Variants in MYO1E observed in about 807,000 individuals in gnomAD.
The protein encoded by MYO1E is unconventional myosin-Ie.
MYO1E carries 68 observed loss-of-function variants against 151.1 expected under a neutral mutation model. That is an observed-to-expected ratio of 0.45 (90% CI 0.37 to 0.55). The LOEUF is 0.55. MYO1E is among the 20% of genes least tolerant of loss of function. The pLI is 0.00. For synonymous variants in MYO1E, 601 were observed against 501.7 expected (o/e 1.20, Z -2.64); for missense variants, 1,363 against 1,389.3 (o/e 0.98, Z 0.30).
At chr15:59,248,564 G>A (rs1229953027) in intron 4 of MYO1E, among the ~76,000 whole-genome samples, 1 of 151,840 alleles carries the variant, frequency 6.6e-6, no homozygotes, top group East Asian at 1.9e-4. Context: ...GGGCTGAGGA[G>A]GAAGGCATAG....
intron 9 of MYO1E, among the ~76,000 whole-genome samples, chr15:59,218,457 A>C (rs1193386676): frequency 6.6e-6 from 1 of 152,254 alleles, no homozygotes; most frequent in Admixed American, 6.5e-5. Context: ...AACTCAATCA[A>C]GAAACATTTC....
chr15:59,147,429 G>C (rs780542706), intron 26 of MYO1E, among the ~76,000 whole-genome samples: 2 of 151,722 alleles, frequency 1.3e-5, no homozygotes, highest in African/African-American at 4.8e-5. Flanking sequence ...GCGAAACCCC[G>C]TCCCTACTAA....
chr15:59,364,682 G>A (rs1387393640), intron 1 of MYO1E, among the ~76,000 whole-genome samples: 4 of 152,182 alleles, frequency 2.6e-5, no homozygotes, highest in African/African-American at 9.6e-5. Context: ...GTCAAGGTGG[G>A]TCACTTGAGG....
intron 4 of MYO1E, among the ~76,000 whole-genome samples, chr15:59,242,492 C>T (rs912755414): frequency 2.6e-4 from 39 of 152,068 alleles, no homozygotes; most frequent in African/African-American, 8.9e-4. Context: ...TAGTGCCATA[C>T]GAAAGTAAAC....
At chr15:59,151,041 A>G (rs71456366) in intron 26 of MYO1E, among the ~76,000 whole-genome samples, 11 of 92,814 alleles carry the variant, frequency 1.2e-4, no homozygotes, top group South Asian at 5.3e-4. Context: ...ACACACACAC[A>G]CACACACACG....
intron 1 of MYO1E, among the ~76,000 whole-genome samples, chr15:59,366,778 A>G (rs543195995): frequency 6.6e-6 from 1 of 152,262 alleles, no homozygotes; most frequent in South Asian, 2.1e-4. Flanking sequence ...TAAATTCTGA[A>G]ACTGAAATTC....
At chr15:59,319,198 C>T (rs752980422) in intron 1 of MYO1E, among the ~76,000 whole-genome samples, 9 of 152,104 alleles carry the variant, frequency 5.9e-5, no homozygotes, top group Non-Finnish European at 8.8e-5. Context: ...GTAATCCCAG[C>T]TACTTGGGAG....
At chr15:59,268,124 A>C (rs981623112) in intron 2 of MYO1E, among the ~76,000 whole-genome samples, 1 of 152,234 alleles carries the variant, frequency 6.6e-6, no homozygotes, top group Non-Finnish European at 1.5e-5. Context: ...GAAAAAACCC[A>C]ACTCTTACTT....
At chr15:59,203,088 G>C (rs1339509152) in intron 15 of MYO1E, among the ~76,000 whole-genome samples, 1 of 152,124 alleles carries the variant, frequency 6.6e-6, no homozygotes, top group Non-Finnish European at 1.5e-5. Flanking sequence ...CAGAGCTCAG[G>C]GAATTATATG....
chr15:59,360,083 C>T (rs998915671), intron 1 of MYO1E, among the ~76,000 whole-genome samples: 17 of 152,112 alleles, frequency 1.1e-4, no homozygotes, highest in African/African-American at 3.1e-4. Context: ...GAGTTGTCAA[C>T]GGCTGAAGTT....
chr15:59,359,187 C>T (rs2080871338), intron 1 of MYO1E, among the ~76,000 whole-genome samples: 1 of 151,478 alleles, frequency 6.6e-6, no homozygotes, highest in African/African-American at 2.4e-5. Context: ...GCATTTTGGG[C>T]CACCAAGGCA....
At chr15:59,151,059 G>A (rs908086252) in intron 26 of MYO1E, among the ~76,000 whole-genome samples, 4 of 146,438 alleles carry the variant, frequency 2.7e-5, no homozygotes, top group South Asian at 2.1e-4. Flanking sequence ...ACGCGCGCGC[G>A]CGCACGTGCA....
intron 1 of MYO1E, among the ~76,000 whole-genome samples, chr15:59,339,201 A>C (rs2080748369): frequency 6.6e-6 from 1 of 152,316 alleles, no homozygotes; most frequent in Admixed American, 6.5e-5. Flanking sequence ...AAACTCTTCC[A>C]TTTTATCAAA....
chr15:59,146,442 A>T (rs1455497992), intron 26 of MYO1E, among the ~76,000 whole-genome samples: 16 of 152,046 alleles, frequency 1.1e-4, no homozygotes, highest in Admixed American at 9.8e-4. Flanking sequence ...GAGTCTCCCA[A>T]GTAGCTGGGA....
intron 12 of MYO1E, 36 bp downstream of exon 12, chr15:59,214,192 T>C (rs1160631740): frequency 6.6e-7 from 1 of 1,512,190 alleles, no homozygotes; most frequent in Non-Finnish European, 9.1e-7. Context: ...AAATAAATTA[T>C]AAATAGAATA....
chr15:59,357,559 G>T (rs1419290951), intron 1 of MYO1E, among the ~76,000 whole-genome samples: 1 of 151,150 alleles, frequency 6.6e-6, no homozygotes, highest in East Asian at 2.0e-4. Context: ...CGAGTAGCTA[G>T]GATTACAGGT....
chr15:59,371,654 A>G (rs1221067617), intron 1 of MYO1E, among the ~76,000 whole-genome samples: 1 of 152,210 alleles, frequency 6.6e-6, no homozygotes, highest in Non-Finnish European at 1.5e-5. Context: ...AAGGGAAAAC[A>G]GCAACAAACT....
chr15:59,223,846 T>A (rs1276856576), intron 8 of MYO1E, among the ~76,000 whole-genome samples: 2 of 152,214 alleles, frequency 1.3e-5, no homozygotes, highest in Admixed American at 6.5e-5. Flanking sequence ...CTAGGACCAG[T>A]GTGCAGACTC....
At chr15:59,284,298 G>A (rs1450540213) in intron 1 of MYO1E, among the ~76,000 whole-genome samples, 4 of 152,214 alleles carry the variant, frequency 2.6e-5, no homozygotes, top group Middle Eastern at 3.2e-3. Context: ...CTCCAAGGAA[G>A]AAATAAGTTT....
Sources: allele counts gnomAD v4.1 joint callset (sites outside exome capture counted in the v4.1 genomes callset), GRCh38; gene constraint gnomAD v4.1.1; transcripts MANE v1.5; gene names NCBI Gene and HGNC (gene_info 2026-07-23, HGNC 2026-07-21).